Variants in CTNNA3 observed in about 807,000 individuals in gnomAD.
CTNNA3 encodes catenin alpha-3.
CTNNA3 carries 76 observed loss-of-function variants against 95.7 expected under a neutral mutation model. The observed-to-expected ratio is 0.79, with a 90% CI of 0.66 to 0.96. The LOEUF is 0.96. Among genes scored for constraint, CTNNA3 ranks in the 40% least tolerant of loss-of-function variants. The pLI, the probability that CTNNA3 is intolerant of heterozygous loss-of-function variation, is 0.00. For synonymous variants in CTNNA3, 431 were observed against 374.4 expected (o/e 1.15, Z -1.74); for missense variants, 1,191 against 1,089.8 (o/e 1.09, Z -1.31).
At chr10:67,442,626 A>T (rs2132936529) in intron 5 of CTNNA3, among the ~76,000 whole-genome samples, 1 of 152,288 alleles carries the variant, frequency 6.6e-6, no homozygotes, top group Middle Eastern at 3.4e-3. Flanking sequence ...AAAAATCATT[A>T]TAAAGGATCA....
intron 7 of CTNNA3, among the ~76,000 whole-genome samples, chr10:66,820,604 AAAGTATATGGT>A (rs1369901920): frequency 6.6e-6 from 1 of 151,720 alleles, no homozygotes. Flanking sequence ...GACTGAGAGA[AAAGTATATGGT>A]AACATACTCC....
chr10:66,354,111 C>G (rs577605183), intron 12 of CTNNA3, among the ~76,000 whole-genome samples: 45 of 152,028 alleles, frequency 3.0e-4, no homozygotes, highest in African/African-American at 1.1e-3. Context: ...GGCAAAACCC[C>G]GTCTCTACTA....
chr10:66,482,253 CA>C lies in CTNNA3; in HGVS notation c.1531+38363del, dbSNP rs780739162. Among the ~76,000 whole-genome samples the C allele has an allele frequency of 2.0e-5, 3 of 151,980 alleles. No individual in the cohort carries two copies. In the East Asian group the frequency reaches 5.8e-4, roughly 29 times the overall value. ...GTATTCATTGTTTTTGGAGAAAAAC[CA>C]AAAACAATGTAACACGAAATTCTGA... On this transcript the variant is annotated intron_variant, in intron 11 of 17. Transcript: ENST00000433211.
At chr10:66,507,007 C>T (rs927149252) in intron 11 of CTNNA3, among the ~76,000 whole-genome samples, 2 of 152,052 alleles carry the variant, frequency 1.3e-5, no homozygotes, top group African/African-American at 4.8e-5. Flanking sequence ...AGTTTTGATG[C>T]AGTTAATTTT....
chr10:66,983,267 T>C (rs751421404), intron 7 of CTNNA3, among the ~76,000 whole-genome samples: 1 of 152,112 alleles, frequency 6.6e-6, no homozygotes, highest in African/African-American at 2.4e-5. Flanking sequence ...CTCCCAGCCA[T>C]GTTCCTCATC....
chr10:67,076,975 G>A (rs1018912551), intron 7 of CTNNA3, among the ~76,000 whole-genome samples: 5 of 152,062 alleles, frequency 3.3e-5, no homozygotes, highest in African/African-American at 9.7e-5. Flanking sequence ...CACACTCACC[G>A]CCAAAGCAAC....
chr10:67,520,458 TG>T (rs1471532230), intron 5 of CTNNA3, among the ~76,000 whole-genome samples: 1 of 152,148 alleles, frequency 6.6e-6, no homozygotes. Context: ...TGGTAAAATA[TG>T]GTTTTGGAAA....
intron 11 of CTNNA3, among the ~76,000 whole-genome samples, chr10:66,415,398 C>T (rs2132610860): frequency 6.6e-6 from 1 of 152,236 alleles, no homozygotes; most frequent in Non-Finnish European, 1.5e-5. Context: ...ACAGTTACTT[C>T]CAATGACAGC....
intron 6 of CTNNA3, among the ~76,000 whole-genome samples, chr10:67,206,572 A>G (rs73262296): frequency 0.048 from 7,331 of 152,012 alleles, 221 homozygotes; most frequent in South Asian, 0.11. Context: ...GGAAAGGAAG[A>G]AAAGAGGGAG....
chr10:65,936,506 T>A (rs1272834569), intron 17 of CTNNA3, among the ~76,000 whole-genome samples: 1 of 152,058 alleles, frequency 6.6e-6, no homozygotes, highest in Non-Finnish European at 1.5e-5. Context: ...TGTCTACAAC[T>A]CCAATGAACA....
At chr10:67,107,926 G>T (rs1858739547) in intron 7 of CTNNA3, among the ~76,000 whole-genome samples, 2 of 152,200 alleles carry the variant, frequency 1.3e-5, no homozygotes, top group South Asian at 4.1e-4. Context: ...CTCTGGCCTT[G>T]CGGAGAGTCC....
intron 7 of CTNNA3, among the ~76,000 whole-genome samples, chr10:66,942,093 C>T (rs1264854938): frequency 1.3e-5 from 2 of 152,096 alleles, no homozygotes; most frequent in African/African-American, 4.8e-5. Context: ...TACTTCATGT[C>T]CCAGCACAAT....
At chr10:67,003,871 A>T (rs1851818570) in intron 7 of CTNNA3, among the ~76,000 whole-genome samples, 1 of 152,174 alleles carries the variant, frequency 6.6e-6, no homozygotes, top group Non-Finnish European at 1.5e-5. Flanking sequence ...GCATCAGCCA[A>T]AGTGCAGCAT....
rs558735529 is a variant in CTNNA3 at position 66,386,985 on chromosome 10, TA to T, written c.1532-7634del. On this transcript the variant is annotated intron_variant, in intron 11 of 17. Coordinates refer to ENST00000433211, the MANE Select transcript of CTNNA3 (RefSeq NM_013266.4). ...GACTTAAATGTTAGACCTAAAACCATAAAAACCCTAGAAGAAAACCTAGGCA... is the reference window on the plus strand; with the variant it reads ...GACTTAAATGTTAGACCTAAAACCATAAAACCCTAGAAGAAAACCTAGGCA... 2.6e-4 allele frequency among the ~76,000 whole-genome samples: 40 copies of T among 152,122 alleles called. 1 individual carries two copies. The East Asian group carries it at 7.7e-3, about 29-fold the overall frequency.
At chr10:66,280,682 G>C in intron 12 of CTNNA3, 61 bp from the exon 13 acceptor site, 1 of 1,300,776 alleles carries the variant, frequency 7.7e-7, no homozygotes, top group Non-Finnish European at 1.0e-6. Context: ...TTATACAGTA[G>C]TTTCCAGGAA....
chr10:67,280,516 C>G (rs1193300939), intron 5 of CTNNA3, among the ~76,000 whole-genome samples: 1 of 151,886 alleles, frequency 6.6e-6, no homozygotes, highest in Non-Finnish European at 1.5e-5. Context: ...AGAAAACTCT[C>G]AGCAAACAGG....
At chr10:66,707,935 G>A (rs1848170164) in intron 9 of CTNNA3, among the ~76,000 whole-genome samples, 1 of 152,058 alleles carries the variant, frequency 6.6e-6, no homozygotes, top group Non-Finnish European at 1.5e-5. Context: ...AGGACAAAGT[G>A]TTCTGGTGCA....
At chr10:67,469,856 T>C (rs1444586390) in intron 5 of CTNNA3, among the ~76,000 whole-genome samples, 1 of 152,208 alleles carries the variant, frequency 6.6e-6, no homozygotes, top group Non-Finnish European at 1.5e-5. Flanking sequence ...CATAAGATGT[T>C]TTGATACAGG....
intron 11 of CTNNA3, among the ~76,000 whole-genome samples, chr10:66,448,762 G>T (rs1463379310): frequency 6.6e-6 from 1 of 151,888 alleles, no homozygotes; most frequent in South Asian, 2.1e-4. Context: ...CACCAACATG[G>T]CACATGTATA....
Sources: allele counts gnomAD v4.1 joint callset (sites outside exome capture counted in the v4.1 genomes callset), GRCh38; gene constraint gnomAD v4.1.1; transcripts MANE v1.5; gene names NCBI Gene and HGNC (gene_info 2026-07-23, HGNC 2026-07-21).